The following MYPOP variants were observed in gnomAD, a reference collection of about 807,000 sequenced individuals.
MYPOP encodes the protein myb-related transcription factor, partner of profilin.
MYPOP carries 21 observed loss-of-function variants against 25.7 expected under a neutral mutation model. The observed-to-expected ratio is 0.82, with a 90% CI of 0.58 to 1.18. The LOEUF (loss-of-function observed/expected upper bound fraction) is 1.18. MYPOP is among the 50% of genes most tolerant of loss of function. The probability of loss-of-function intolerance (pLI) is 0.00; values close to 1 mark genes in which losing one functional copy is unlikely to be tolerated. For missense variants in MYPOP, 566 were observed against 588.3 expected, an observed-to-expected ratio of 0.96 and a Z score of 0.39; for synonymous variants, 280 against 247.9, an observed-to-expected ratio of 1.13 and a Z score of -1.22.
Position 45,901,281 on chromosome 19 carries a change from G to T in MYPOP, c.493C>A (p.Arg165Ser). ...CTACTCTGAAGACACTCACCTGCACGTCGGTCCTCCCGGCGGTCTTCCGAC... is the reference window on the plus strand; with the variant it reads ...CTACTCTGAAGACACTCACCTGCACTTCGGTCCTCCCGGCGGTCTTCCGAC... ...VLSEDRREDR[R>S]ADTSAHSKAG... is the part of the protein sequence containing the mutation. Residue 165 changes from arginine to serine, a missense_variant, in exon 2 of 3, where the codon CGT (arginine) becomes AGT (serine). By Grantham distance (110) the Arg-to-Ser change is moderately radical. Coordinates refer to ENST00000322217, the MANE Select transcript of MYPOP (RefSeq NM_001012643.4). The surrounding 1 kb of genome is among the most constrained non-coding windows in gnomAD (Gnocchi z 5.7). 6.9e-7 allele frequency: 1 copy of T among 1,448,046 alleles called. No homozygotes were observed. 89.7% of individuals were successfully genotyped at this position (1,448,046 alleles called of 1,614,324 possible).
Position 45,890,909 on chromosome 19 carries a change from G to C in MYPOP, c.914C>G (p.Ser305Cys). 5.5e-6 allele frequency: 8 copies of C among 1,441,918 alleles called. No individual in the cohort carries two copies. The highest frequency in any genetic ancestry group is 7.3e-6 in the Non-Finnish European group (8 of 1,099,206). 89.3% of individuals were successfully genotyped at this position (1,441,918 alleles called of 1,614,324 possible). Reference sequence around the variant, plus strand: ...GGGTGGGGGCAGAGGTGGAGGCAGGGAGTCAACTGGGGTTCCTGGCAGAAG... The same window carrying C: ...GGGTGGGGGCAGAGGTGGAGGCAGGCAGTCAACTGGGGTTCCTGGCAGAAG... ...LPLLPGTPVD[S>C]LPPPLPPPPP... Residue 305 changes from serine to cysteine, a missense_variant, in exon 3 of 3, where the codon TCC becomes TGC. Transcript: ENST00000322217.
At chr19:45,897,852 C>T (rs538863027) in intron 2 of MYPOP, among the ~76,000 whole-genome samples, 2 of 151,442 alleles carry the variant, frequency 1.3e-5, no homozygotes, top group Admixed American at 1.3e-4. Flanking sequence ...CTGTGCCTGG[C>T]TTCCACTGTT....
At chr19:45,895,816 C>T (rs1376976012) in intron 2 of MYPOP, among the ~76,000 whole-genome samples, 1 of 152,126 alleles carries the variant, frequency 6.6e-6, no homozygotes, top group African/African-American at 2.4e-5. Flanking sequence ...TCCCACATGT[C>T]GTTCCCTGGG....
intron 2 of MYPOP, among the ~76,000 whole-genome samples, chr19:45,892,673 C>A (rs1967142929): frequency 6.6e-6 from 1 of 152,064 alleles, no homozygotes; most frequent in Non-Finnish European, 1.5e-5. Flanking sequence ...GGTTAAACAC[C>A]TTCACTGTTT....
chr19:45,893,293 G>A (rs779245817), intron 2 of MYPOP, among the ~76,000 whole-genome samples: 14 of 144,976 alleles, frequency 9.7e-5, no homozygotes, highest in Non-Finnish European at 1.7e-4. Context: ...AAATAGGCCG[G>A]GTGTGGTGGC....
chr19:45,890,973 G>A lies in MYPOP; in HGVS notation c.850C>T (p.Leu284=). ...RELAGTLRQG[L]AKLSEALSAL... ...CTGAGGGCCTCGCTCAGTTTGGCCA[G>A]TCCCTGTCGAAGGGTGCCGGCCAGC... The change falls in exon 3 of 3, where the codon CTG becomes TTG. Residue 284 remains leucine, a synonymous_variant. Coordinates refer to ENST00000322217, the MANE Select transcript of MYPOP (RefSeq NM_001012643.4). 1 of 1,497,524 alleles carries A rather than the reference G, an allele frequency of 6.7e-7. No individual in the cohort carries two copies. The highest frequency in any genetic ancestry group is 1.3e-5 in the South Asian group (1 of 75,550). 92.8% of individuals were successfully genotyped at this position (1,497,524 alleles called of 1,614,324 possible).
In MYPOP at chr19:45,890,442, TGG is replaced by T; in HGVS notation, c.*179_*180del. 1 of 963,034 alleles carries T rather than the reference TGG, an allele frequency of 1.0e-6. No homozygotes were observed. Among genetic ancestry groups the T allele is most frequent in the Non-Finnish European group, 1.5e-6 (1 of 682,212 alleles). The allele number at this position is 963,034 out of a possible 1,614,324, so 59.7% of individuals were successfully genotyped here. On this transcript the variant is annotated 3_prime_UTR_variant, in exon 3 of 3. Transcript: ENST00000322217. The stretch of plus-strand genomic sequence containing the variant: ...ACAGCACTGTACCAGAGAAAGGGGT[TGG>T]GGGGGCCCATTACTGAGGCCCCCCC...
rs1226621647 is a variant in MYPOP, at chr19:45,894,868, A to G, written c.500-3545T>C. On this transcript the variant is annotated intron_variant, in intron 2 of 2. Transcript: ENST00000322217. ...TGAGTAGCTGGGACTATAGGTGCAC[A>G]CCACCATGCCCAGCTAATTTTTGTA... Among the ~76,000 whole-genome samples the G allele has an allele frequency of 5.3e-5, 8 of 150,888 alleles. No homozygotes were observed. In the East Asian group the frequency reaches 1.6e-3, roughly 30 times the overall value.
Position 45,901,882 on chromosome 19 carries a change from T to C in MYPOP, c.-52-57A>G. 1 of 925,286 alleles carries C rather than the reference T, an allele frequency of 1.1e-6. No individual in the cohort carries two copies. The highest frequency in any genetic ancestry group is 4.8e-5 in the South Asian group (1 of 21,014). 57.3% of individuals were successfully genotyped at this position (925,286 alleles called of 1,614,324 possible). A position where few individuals can be genotyped will look rare whatever the true frequency, so the allele number is the denominator to read the frequency against. On this transcript the variant is annotated intron_variant, in intron 1 of 2. Coordinates refer to ENST00000322217, the MANE Select transcript of MYPOP (RefSeq NM_001012643.4). The surrounding 1 kb of genome is among the most constrained non-coding windows in gnomAD (Gnocchi z 5.7). ...GGTTCGGGGTCCCCCCGCCGCCGCCTCTCCCAGACCGCCGGGCCGAGAGCT... is the reference window on the plus strand; with the variant it reads ...GGTTCGGGGTCCCCCCGCCGCCGCCCCTCCCAGACCGCCGGGCCGAGAGCT...
rs1967094378 is a variant in MYPOP at position 45,890,047 on chromosome 19, T to C, written c.*576A>G. 6.6e-6 allele frequency: 1 copy of C among 152,138 alleles called. No homozygotes were observed. Among genetic ancestry groups the C allele is most frequent in the Non-Finnish European group, 1.5e-5 (1 of 68,058 alleles). The allele number at this position is 152,138 out of a possible 1,614,324, so 9.4% of individuals were successfully genotyped here. A position where few individuals can be genotyped will look rare whatever the true frequency, so the allele number is the denominator to read the frequency against. On this transcript the variant is annotated 3_prime_UTR_variant, in exon 3 of 3. Transcript: ENST00000322217. ...ATTGTATTAAAAATAAGTTTATTGA[T>C]ATCTTGTCACCACTGGGAGAAAGGA...
intron 2 of MYPOP, among the ~76,000 whole-genome samples, chr19:45,894,441 T>C (rs1468732828): frequency 2.0e-5 from 3 of 152,024 alleles, no homozygotes; most frequent in Non-Finnish European, 4.4e-5. Flanking sequence ...TGAGACACAG[T>C]CTTGCTCTCT....
chr19:45,891,030 C>T lies in MYPOP; in HGVS notation c.793G>A (p.Ala265Thr). The T allele has an allele frequency of 6.5e-7, 1 of 1,528,206 alleles. No individual in the cohort carries two copies. Among genetic ancestry groups the T allele is most frequent in the Non-Finnish European group, 8.8e-7 (1 of 1,134,976 alleles). 94.7% of individuals were successfully genotyped at this position (1,528,206 alleles called of 1,614,324 possible). The part of the protein sequence containing the change: ...ASDPSLDFLR[A>T]QQETANAIRE... ...ATGGCGTTGGCAGTCTCCTGCTGGG[C>T]CCGCAGGAAGTCCAGGGAGGGGTCT... is the stretch of plus-strand genomic sequence containing the variant. Residue 265 changes from alanine to threonine, a missense_variant, in exon 3 of 3, where the codon GCC becomes ACC. Coordinates refer to ENST00000322217, the MANE Select transcript of MYPOP (RefSeq NM_001012643.4).
At chr19:45,897,477 T>C (rs1174368489) in intron 2 of MYPOP, among the ~76,000 whole-genome samples, 1 of 152,170 alleles carries the variant, frequency 6.6e-6, no homozygotes, top group African/African-American at 2.4e-5. Context: ...TCCAGTCTAC[T>C]GAGTAAAAAG....
intron 2 of MYPOP, among the ~76,000 whole-genome samples, chr19:45,898,330 G>GT (rs1293380497): frequency 6.8e-5 from 10 of 147,728 alleles, no homozygotes; most frequent in African/African-American, 1.5e-4. Context: ...TCTTTTTTTT[G>GT]TTTTTTTTTG....
In MYPOP at chr19:45,890,881, T is replaced by TGGGGGGGGGGGGGGGG; in HGVS notation, c.941_942insCCCCCCCCCCCCCCCC (p.Pro320ThrfsTer135). ...CAGGCCTGGGAGGTGGCGGTGGGGG[T>TGGGGGGGGGGGGGGGG]GGGGGTGGGGGCAGAGGTGGAGGCA... On this transcript the variant is annotated frameshift_variant, in exon 3 of 3. Transcript: ENST00000322217. LOFTEE classifies it high-confidence loss of function. The TGGGGGGGGGGGGGGGG allele has an allele frequency of 5.5e-6, 1 of 181,124 alleles. No homozygotes were observed. Among genetic ancestry groups the TGGGGGGGGGGGGGGGG allele is most frequent in the East Asian group, 1.6e-4 (1 of 6,096 alleles). The allele number at this position is 181,124 out of a possible 1,614,324, so 11.2% of individuals were successfully genotyped here. A position where few individuals can be genotyped will look rare whatever the true frequency, so the allele number is the denominator to read the frequency against.
intron 2 of MYPOP, among the ~76,000 whole-genome samples, chr19:45,899,868 G>A (rs1967262330): frequency 6.6e-6 from 1 of 152,034 alleles, no homozygotes; most frequent in African/African-American, 2.4e-5. Context: ...AAAAAAAATA[G>A]TAAGTCCAAA....
At chr19:45,891,380 C>T (rs1182999261) in intron 2 of MYPOP, 57 bp from the exon 3 acceptor site, 1 of 1,413,810 alleles carries the variant, frequency 7.1e-7, no homozygotes, top group Non-Finnish European at 9.2e-7. Context: ...GCCTTGATTT[C>T]CCCTTTCCCA....
Position 45,890,970 on chromosome 19 carries a change from C to A in MYPOP, c.853G>T (p.Ala285Ser). 6.7e-7 allele frequency: 1 copy of A among 1,493,894 alleles called. No individual in the cohort carries two copies. Among genetic ancestry groups the A allele is most frequent in the Non-Finnish European group, 8.9e-7 (1 of 1,118,584 alleles). 92.5% of individuals were successfully genotyped at this position (1,493,894 alleles called of 1,614,324 possible). A position where few individuals can be genotyped will look rare whatever the true frequency, so the allele number is the denominator to read the frequency against. ...ELAGTLRQGL[A>S]KLSEALSALL... ...GCGCTGAGGGCCTCGCTCAGTTTGG[C>A]CAGTCCCTGTCGAAGGGTGCCGGCC... Residue 285 changes from alanine (A) to serine (S), a missense_variant, in exon 3 of 3, where the codon GCC becomes TCC. Ala to Ser is a moderately conservative substitution (Grantham distance 99, BLOSUM62 1). Transcript: ENST00000322217.
rs1398138215 is a variant in MYPOP, at chr19:45,901,775, G to A, written c.-2C>T. 3 of 1,440,684 alleles carry A rather than the reference G, an allele frequency of 2.1e-6. No individual in the cohort carries two copies. The African/African-American group carries it at 4.5e-5, about 21-fold the overall frequency. The allele number at this position is 1,440,684 out of a possible 1,614,324, so 89.2% of individuals were successfully genotyped here. A position where few individuals can be genotyped will look rare whatever the true frequency, so the allele number is the denominator to read the frequency against. ...TTCGCCCGCCGCCGCCGAGGCCATGGCGCCCCCCGACGCCGCCGTCCTGCC... is the reference window on the plus strand; with the variant it reads ...TTCGCCCGCCGCCGCCGAGGCCATGACGCCCCCCGACGCCGCCGTCCTGCC... On this transcript the variant is annotated 5_prime_UTR_variant, in exon 2 of 3. Transcript: ENST00000322217. The surrounding 1 kb of genome is among the most constrained non-coding windows in gnomAD (Gnocchi z 5.7).
Sources: gnomAD v4.1 joint callset for allele counts (sites outside exome capture counted in the v4.1 genomes callset) on GRCh38, gnomAD v4.1.1 for gene constraint, Gnocchi (gnomAD v3.1) non-coding constraint, MANE v1.5 for transcripts, NCBI Gene and HGNC (gene_info 2026-07-23, HGNC 2026-07-21) for gene names.